The following IGSF10 variants were observed in gnomAD, a reference collection of about 807,000 sequenced individuals.
The protein encoded by IGSF10 is immunoglobulin superfamily member 10.
IGSF10 carries 126 observed loss-of-function variants against 128.2 expected under a neutral mutation model. The ratio of observed to expected loss-of-function variants is 0.98; its 90% CI spans 0.85 to 1.14. IGSF10 has a LOEUF of 1.14. Among genes scored for constraint, IGSF10 ranks in the 50% most tolerant of loss-of-function variants. The probability of loss-of-function intolerance (pLI) is 0.00; values close to 1 mark genes in which losing one functional copy is unlikely to be tolerated. For missense variants in IGSF10, 3,295 were observed against 3,149.8 expected, an observed-to-expected ratio of 1.05 and a Z score of -1.10; for synonymous variants, 1,185 against 1,146.2, an observed-to-expected ratio of 1.03 and a Z score of -0.68.
At chr3:151,581,926 C>T in the IGSF10 span, among the ~76,000 whole-genome samples, 1 of 151,964 alleles carries the variant, frequency 6.6e-6, no homozygotes. Context: ...CAAAAATTAG[C>T]ATGGTGGTGC....
chr3:151,596,073 C>A, the IGSF10 span, among the ~76,000 whole-genome samples: 2 of 151,960 alleles, frequency 1.3e-5, no homozygotes, highest in African/African-American at 4.8e-5. Flanking sequence ...ATCACATATA[C>A]CTTAAATATA....
chr3:151,440,979 C>T (rs1720819369), intron 7 of IGSF10, among the ~76,000 whole-genome samples: 1 of 152,170 alleles, frequency 6.6e-6, no homozygotes, highest in Non-Finnish European at 1.5e-5. Context: ...AAAAAACTTC[C>T]CAGCTAACAT....
At chr3:151,521,371 A>G in the IGSF10 span, among the ~76,000 whole-genome samples, 1 of 151,950 alleles carries the variant, frequency 6.6e-6, no homozygotes, top group East Asian at 1.9e-4. Context: ...GATTTGATAT[A>G]CCTTTACAGA....
the IGSF10 span, among the ~76,000 whole-genome samples, chr3:151,591,536 G>A: frequency 6.6e-6 from 1 of 150,542 alleles, no homozygotes; most frequent in Non-Finnish European, 1.5e-5. Flanking sequence ...CATGCTGAAA[G>A]TTGTGAAGGA....
chr3:151,570,182 C>T, the IGSF10 span, among the ~76,000 whole-genome samples: 3 of 152,110 alleles, frequency 2.0e-5, no homozygotes, highest in Admixed American at 2.0e-4. Flanking sequence ...GTGAATAGTG[C>T]CGCAATAAAC....
the IGSF10 span, among the ~76,000 whole-genome samples, chr3:151,534,713 T>A: frequency 6.6e-6 from 1 of 151,638 alleles, no homozygotes; most frequent in Non-Finnish European, 1.5e-5. Flanking sequence ...AGATGACGGG[T>A]CAATGGGTAC....
chr3:151,501,297 C>G, the IGSF10 span, among the ~76,000 whole-genome samples: 1 of 152,032 alleles, frequency 6.6e-6, no homozygotes. Flanking sequence ...CCCATTCATT[C>G]AAGAGCTGGA....
chr3:151,449,818 C>T (rs900792355), intron 5 of IGSF10, among the ~76,000 whole-genome samples: 2 of 151,994 alleles, frequency 1.3e-5, no homozygotes, highest in Admixed American at 6.6e-5. Flanking sequence ...AGCTTAGTAG[C>T]AACAGGAATT....
At chr3:151,444,852 C>A in intron 6 of IGSF10, 67 bp downstream of exon 6, 1 of 1,425,588 alleles carries the variant, frequency 7.0e-7, no homozygotes, top group South Asian at 1.5e-5. Context: ...ATGTTTAATC[C>A]CAAAACATAA....
the IGSF10 span, among the ~76,000 whole-genome samples, chr3:151,481,362 C>T: frequency 6.6e-6 from 1 of 152,214 alleles, no homozygotes; most frequent in Non-Finnish European, 1.5e-5. Flanking sequence ...GCAACTGCAG[C>T]ATCTTTCCAT....
At chr3:151,474,939 C>T in the IGSF10 span, among the ~76,000 whole-genome samples, 2 of 152,134 alleles carry the variant, frequency 1.3e-5, no homozygotes, top group Admixed American at 1.3e-4. Context: ...AATTACCTCC[C>T]ACTGGGTCCC....
the IGSF10 span, among the ~76,000 whole-genome samples, chr3:151,504,817 C>G: frequency 5.3e-5 from 8 of 152,336 alleles, no homozygotes; most frequent in Non-Finnish European, 1.2e-4. Context: ...GAGCTATAAT[C>G]AATGCAGCTG....
the IGSF10 span, among the ~76,000 whole-genome samples, chr3:151,524,962 AATAG>A: frequency 2.0e-5 from 3 of 148,708 alleles, no homozygotes; most frequent in Non-Finnish European, 3.0e-5. Flanking sequence ...GTCAATATGA[AATAG>A]ATAATCTTTG....
the IGSF10 span, among the ~76,000 whole-genome samples, chr3:151,592,015 AT>A: frequency 1.3e-5 from 2 of 152,138 alleles, no homozygotes; most frequent in African/African-American, 2.4e-5. Flanking sequence ...CTTTAAAAAT[AT>A]TTTTTAATGA....
In IGSF10 at chr3:151,437,618, C is replaced by G; in HGVS notation, c.6943G>C (p.Ala2315Pro). Residue 2315 changes from alanine to proline, a missense_variant, in exon 8 of 8, where the codon GCC (alanine) becomes CCC (proline). By Grantham distance (27) the Ala-to-Pro change is conservative. Transcript: ENST00000282466. ...LSDSADFICV[A>P]RNEGGESVLV... ...ACGCTCTCTCCACCTTCATTTCGGG[C>G]CACACAGATAAAGTCGGCTGAATCT... The G allele has an allele frequency of 1.2e-6, 2 of 1,614,168 alleles. No individual in the cohort carries two copies. Among genetic ancestry groups the G allele is most frequent in the Non-Finnish European group, 1.7e-6 (2 of 1,180,032 alleles).
At chr3:151,483,875 T>A in the IGSF10 span, among the ~76,000 whole-genome samples, 1 of 152,168 alleles carries the variant, frequency 6.6e-6, no homozygotes, top group Non-Finnish European at 1.5e-5. Flanking sequence ...ACTGAGCAGC[T>A]GTTTGGGCAG....
upstream of IGSF10, among the ~76,000 whole-genome samples, chr3:151,463,523 G>GTTTTTTTTTTTTGTTTTTTTTTTTTTTTT (rs1553837067): frequency 6.4e-4 from 20 of 31,288 alleles, 6 homozygotes; most frequent in Non-Finnish European, 7.8e-4. Flanking sequence ...ACATTTTCTG[G>GTTTTTTTTTTTTGTTTTTTTTTTTTTTTT]TTTTTTTTTT....
At chr3:151,485,814 A>G in the IGSF10 span, among the ~76,000 whole-genome samples, 1 of 152,200 alleles carries the variant, frequency 6.6e-6, no homozygotes, top group Non-Finnish European at 1.5e-5. Flanking sequence ...CTAAACATAG[A>G]AAGGATCAAC....
At chr3:151,613,981 A>T in the IGSF10 span, among the ~76,000 whole-genome samples, 1 of 152,200 alleles carries the variant, frequency 6.6e-6, no homozygotes. Context: ...ATTTACAAGA[A>T]AAAACAACCC....
Sources: gnomAD v4.1 joint callset for allele counts (sites outside exome capture counted in the v4.1 genomes callset) on GRCh38, gnomAD v4.1.1 for gene constraint, MANE v1.5 for transcripts, NCBI Gene and HGNC (gene_info 2026-07-23, HGNC 2026-07-21) for gene names.